Variants in CFAP77 observed in about 807,000 individuals in gnomAD.
CFAP77 encodes the protein cilia- and flagella-associated protein 77.
A neutral mutation model predicts 31.1 loss-of-function variants in CFAP77; 25 were observed. The observed-to-expected ratio is 0.80, with a 90% CI of 0.59 to 1.12. The LOEUF is 1.12. CFAP77 is among the 50% of genes most tolerant of loss of function. The pLI is 0.00. For missense variants in CFAP77, 377 were observed against 397.3 expected, an observed-to-expected ratio of 0.95 and a Z score of 0.44; for synonymous variants, 151 against 159.9, an observed-to-expected ratio of 0.94 and a Z score of 0.42.
chr9:132,560,137 T>C (rs1852969783), intron 5 of CFAP77, among the ~76,000 whole-genome samples: 1 of 152,146 alleles, frequency 6.6e-6, no homozygotes, highest in Admixed American at 6.5e-5. Flanking sequence ...AGGCTAAAAT[T>C]GGTGAGGTTT....
At chr9:132,449,528 C>T (rs896737753) in intron 1 of CFAP77, among the ~76,000 whole-genome samples, 2 of 151,924 alleles carry the variant, frequency 1.3e-5, no homozygotes, top group Non-Finnish European at 2.9e-5. Flanking sequence ...CATTCCTTTT[C>T]ATTGCCAAGA....
intron 3 of CFAP77, among the ~76,000 whole-genome samples, chr9:132,530,281 T>C (rs1852419896): frequency 6.6e-6 from 1 of 150,516 alleles, no homozygotes; most frequent in South Asian, 2.1e-4. Context: ...ATTTTCTTTT[T>C]TTTTTTTTGA....
At chr9:132,433,005 A>C (rs787879) in intron 1 of CFAP77, among the ~76,000 whole-genome samples, 73,855 of 151,298 alleles carry the variant, frequency 0.49, 19,010 homozygotes, top group African/African-American at 0.65. Flanking sequence ...TGAGCCACCA[A>C]GCCCGGCCAA....
rs576874923 is a variant in CFAP77 at position 132,491,339 on chromosome 9, C to T, written c.196-7356C>T. On this transcript the variant is annotated intron_variant, in intron 1 of 5. Transcript: ENST00000393216. ...AAAATTAGCTGGGTGTGGTGGTGCA[C>T]GCCTGTATTCCCAGCTACTCAGGAG... 1.2e-3 allele frequency among the ~76,000 whole-genome samples: 181 copies of T among 152,196 alleles called. 1 individual carries two copies. Among genetic ancestry groups the T allele is most frequent in the African/African-American group, 4.1e-3 (171 of 41,512 alleles).
At chr9:132,525,150 G>T (rs562156328) in intron 3 of CFAP77, among the ~76,000 whole-genome samples, 1 of 150,890 alleles carries the variant, frequency 6.6e-6, no homozygotes, top group Non-Finnish European at 1.5e-5. Context: ...CTCCTGAGTA[G>T]CCGGGACTAC....
At chr9:132,530,523 C>G (rs774310159) in intron 3 of CFAP77, among the ~76,000 whole-genome samples, 32 of 152,190 alleles carry the variant, frequency 2.1e-4, no homozygotes, top group Admixed American at 5.9e-4. Context: ...GATCTGCCCC[C>G]CTCGGCCTCC....
chr9:132,504,421 G>A lies in CFAP77; in HGVS notation c.524+4821G>A, dbSNP rs537562113. Reference sequence around the variant, plus strand: ...GGCCACAATTCCAGGGAAAGGACGTGATGAAGTGCTGGCTGTATCTTCTGT... The same window carrying A: ...GGCCACAATTCCAGGGAAAGGACGTAATGAAGTGCTGGCTGTATCTTCTGT... On this transcript the variant is annotated intron_variant, in intron 3 of 5. Coordinates refer to ENST00000393216, the MANE Select transcript of CFAP77 (RefSeq NM_001282957.2). Among the ~76,000 whole-genome samples the A allele has an allele frequency of 4.6e-5, 7 of 152,348 alleles. No individual in the cohort carries two copies. In the South Asian group the frequency reaches 1.5e-3, roughly 32 times the overall value.
chr9:132,480,769 A>T lies in CFAP77; in HGVS notation c.196-17926A>T, dbSNP rs1314091801. On this transcript the variant is annotated intron_variant, in intron 1 of 5. Coordinates refer to ENST00000393216, the MANE Select transcript of CFAP77 (RefSeq NM_001282957.2). The surrounding 1 kb of genome is among the most constrained non-coding windows in gnomAD (Gnocchi z 5.8). Reference sequence around the variant, plus strand: ...GGGCCAGGCGCCGGTGAGGAGAGGGATGTGTCAGCCTGAGCACAGACTTCA... The same window carrying T: ...GGGCCAGGCGCCGGTGAGGAGAGGGTTGTGTCAGCCTGAGCACAGACTTCA... 6.6e-6 allele frequency among the ~76,000 whole-genome samples: 1 copy of T among 152,048 alleles called. No individual in the cohort carries two copies. Among genetic ancestry groups the T allele is most frequent in the Non-Finnish European group, 1.5e-5 (1 of 68,014 alleles).
intron 3 of CFAP77, among the ~76,000 whole-genome samples, chr9:132,520,556 G>A (rs1355416968): frequency 6.6e-6 from 1 of 152,166 alleles, no homozygotes; most frequent in Non-Finnish European, 1.5e-5. Flanking sequence ...GAGGCGAGAG[G>A]ATTGCTTGAG....
At chr9:132,463,688 A>G (rs1851100905) in intron 1 of CFAP77, among the ~76,000 whole-genome samples, 1 of 152,174 alleles carries the variant, frequency 6.6e-6, no homozygotes, top group South Asian at 2.1e-4. Flanking sequence ...GAGATGGTGG[A>G]GAGTGGTGAC....
At chr9:132,519,624 G>T (rs1040645577) in intron 3 of CFAP77, among the ~76,000 whole-genome samples, 3 of 37,286 alleles carry the variant, frequency 8.0e-5, no homozygotes, top group Admixed American at 3.0e-4. Context: ...GGATGGTTGG[G>T]TGGGTAGGTG....
intron 5 of CFAP77, among the ~76,000 whole-genome samples, chr9:132,571,134 C>A (rs1237533260): frequency 1.3e-5 from 2 of 152,152 alleles, no homozygotes; most frequent in Admixed American, 1.3e-4. Context: ...GGTGGTCAAC[C>A]CTGGCCTGGA....
At chr9:132,433,838 T>C (rs912759699) in intron 1 of CFAP77, among the ~76,000 whole-genome samples, 3 of 151,056 alleles carry the variant, frequency 2.0e-5, no homozygotes, top group African/African-American at 7.3e-5. Context: ...GTGAGCCACC[T>C]CTACCAACCT....
rs746932658 is a variant in CFAP77, at chr9:132,572,497, A to C, written c.842A>C (p.Tyr281Ser). The C allele has an allele frequency of 1.2e-6, 2 of 1,606,526 alleles. No individual in the cohort carries two copies. The highest frequency in any genetic ancestry group is 2.7e-5 in the African/African-American group (2 of 74,956). The part of the protein sequence containing the change: ...VRQGTLRMGN[Y>S]THP ...CAGGGGACCCTGCGGATGGGCAACT[A>C]CACCCACCCCTAGCCCCTCCCTCCC... The change falls in exon 6 of 6, where the codon TAC becomes TCC. Residue 281 changes from tyrosine (Y) to serine (S), a missense_variant. Tyr to Ser is a moderately radical substitution (Grantham distance 144, BLOSUM62 -2). Transcript: ENST00000393216.
At chr9:132,566,764 G>A (rs969294166) in intron 5 of CFAP77, among the ~76,000 whole-genome samples, 8 of 152,166 alleles carry the variant, frequency 5.3e-5, no homozygotes, top group African/African-American at 7.2e-5. Flanking sequence ...TCCAGACTCC[G>A]CCTCGCTGGG....
chr9:132,411,005 G>GA (rs1199279832), intron 1 of CFAP77, among the ~76,000 whole-genome samples: 3 of 152,162 alleles, frequency 2.0e-5, no homozygotes, highest in Non-Finnish European at 2.9e-5. Context: ...AACCCTAAGA[G>GA]AAAAAAAGCA....
intron 5 of CFAP77, among the ~76,000 whole-genome samples, chr9:132,566,604 G>A (rs931046007): frequency 2.6e-5 from 4 of 152,098 alleles, no homozygotes; most frequent in African/African-American, 9.7e-5. Context: ...TTTTGGTTAG[G>A]GATTTGGAGA....
rs558723429 is a variant in CFAP77 at position 132,569,678 on chromosome 9, C to T, written c.733-2710C>T. Among the ~76,000 whole-genome samples, 27 of 151,550 alleles carry T rather than the reference C, an allele frequency of 1.8e-4. 1 individual carries two copies. The South Asian group carries it at 3.8e-3, about 21-fold the overall frequency. ...GGACACCAGGGTGGCTGCATGCCCC[C>T]GAGACCCCAAGGTCTGATGCACCTG... On this transcript the variant is annotated intron_variant, in intron 5 of 5. Transcript: ENST00000393216.
chr9:132,498,674 T>G lies in CFAP77; in HGVS notation c.196-21T>G, dbSNP rs1183692642. ...CTGAGACTCCACTCCTCACCTCTGCTCTCTGTCCTTCCCCCGACAGGCTGA... is the reference window on the plus strand; with the variant it reads ...CTGAGACTCCACTCCTCACCTCTGCGCTCTGTCCTTCCCCCGACAGGCTGA... On this transcript the variant is annotated intron_variant, in intron 1 of 5. Transcript: ENST00000393216. The surrounding 1 kb of genome is among the most constrained non-coding windows in gnomAD (Gnocchi z 4.2). 1.3e-6 allele frequency: 2 copies of G among 1,585,560 alleles called. No individual in the cohort carries two copies. Among genetic ancestry groups the G allele is most frequent in the Non-Finnish European group, 8.6e-7 (1 of 1,158,682 alleles).
Sources: gnomAD v4.1 joint callset for allele counts (sites outside exome capture counted in the v4.1 genomes callset) on GRCh38, gnomAD v4.1.1 for gene constraint, Gnocchi (gnomAD v3.1) non-coding constraint, MANE v1.5 for transcripts, NCBI Gene and HGNC (gene_info 2026-07-23, HGNC 2026-07-21) for gene names.